The following CD163L1 variants were observed in gnomAD, a reference collection of about 807,000 sequenced individuals.
The protein encoded by CD163L1 is scavenger receptor cysteine-rich type 1 protein M160.
Under a neutral mutation model 165.4 loss-of-function variants are expected in CD163L1, and 124 were observed. That is an observed-to-expected ratio of 0.75 (90% CI 0.65 to 0.87). CD163L1 has a LOEUF of 0.87. Among genes scored for constraint, CD163L1 ranks in the 40% least tolerant of loss-of-function variants. The pLI, the probability that CD163L1 is intolerant of heterozygous loss-of-function variation, is 0.00. For synonymous variants in CD163L1, 585 were observed against 662.2 expected (o/e 0.88, Z 1.79); for missense variants, 1,525 against 1,799.9 (o/e 0.85, Z 2.76).
At chr12:7,415,831 G>A (rs1948227785) in intron 4 of CD163L1, among the ~76,000 whole-genome samples, 1 of 152,136 alleles carries the variant, frequency 6.6e-6, no homozygotes, top group South Asian at 2.1e-4. Flanking sequence ...ATCATTGATG[G>A]GCATTTAAGT....
At chr12:7,323,734 G>C in the CD163L1 span, among the ~76,000 whole-genome samples, 1 of 152,168 alleles carries the variant, frequency 6.6e-6, no homozygotes, top group Admixed American at 6.5e-5. Context: ...CCAAATGTAA[G>C]AAACCAGTTG....
chr12:7,421,758 TA>T lies in CD163L1; in HGVS notation c.766+10657del, dbSNP rs1374279726. 4.9e-3 allele frequency among the ~76,000 whole-genome samples: 655 copies of T among 132,326 alleles called. 5 individuals carry two copies. The highest frequency in any genetic ancestry group is 0.015 in the African/African-American group (461 of 31,114). The allele number at this position is 132,326 out of a possible 152,430, so 86.8% of individuals were successfully genotyped here. On this transcript the variant is annotated intron_variant, in intron 4 of 19. Transcript: ENST00000313599. ...ATATGTGTGTGTGTATATATATATA[TA>T]TATATATATATTTTTTCTTCTAAGT...
intron 7 of CD163L1, among the ~76,000 whole-genome samples, chr12:7,397,103 T>C (rs768148749): frequency 8.5e-5 from 13 of 152,334 alleles, no homozygotes; most frequent in African/African-American, 3.1e-4. Context: ...CATGGCATGA[T>C]GTGGCAATAG....
At chr12:7,422,540 TG>T (rs1413770913) in intron 4 of CD163L1, among the ~76,000 whole-genome samples, 4 of 151,302 alleles carry the variant, frequency 2.6e-5, no homozygotes, top group Non-Finnish European at 5.9e-5. Flanking sequence ...CTAAGAACCT[TG>T]AAAAAAGGTT....
chr12:7,344,240 T>A (rs955345840), downstream of CD163L1, among the ~76,000 whole-genome samples: 9 of 151,972 alleles, frequency 5.9e-5, no homozygotes, highest in Non-Finnish European at 1.2e-4. Flanking sequence ...GTCACCTCAC[T>A]TGGCTAATTT....
chr12:7,326,567 A>G, the CD163L1 span, among the ~76,000 whole-genome samples: 3 of 152,094 alleles, frequency 2.0e-5, no homozygotes, highest in Admixed American at 1.3e-4. Context: ...AGACCCTCCA[A>G]ACTGCTTTGA....
At chr12:7,340,080 G>C in the CD163L1 span, among the ~76,000 whole-genome samples, 8 of 152,106 alleles carry the variant, frequency 5.3e-5, no homozygotes, top group African/African-American at 1.7e-4. Context: ...TGTCTTTTTG[G>C]CTCCCTCATA....
In CD163L1 at chr12:7,375,789, C is replaced by T. The variant is rs1947256529; in HGVS notation, c.2597G>A (p.Gly866Glu). 1 of 1,614,234 alleles carries T rather than the reference C, an allele frequency of 6.2e-7. No individual in the cohort carries two copies. The highest frequency in any genetic ancestry group is 8.5e-7 in the Non-Finnish European group (1 of 1,180,040). ...LTWAEKFQCE[G>E]SETHLALCPI... Reference sequence around the variant, plus strand: ...GCATAATGCAAGGTGAGTTTCACTCCCTTCACACTGGAACTTTTCGGCCCA... The same window carrying T: ...GCATAATGCAAGGTGAGTTTCACTCTCTTCACACTGGAACTTTTCGGCCCA... Residue 866 changes from glycine (G) to glutamate (E), a missense_variant, in exon 10 of 20, where the codon GGG (glycine) becomes GAG (glutamate). By Grantham distance (98) the Gly-to-Glu change is moderately conservative. Transcript: ENST00000313599.
intron 4 of CD163L1, among the ~76,000 whole-genome samples, chr12:7,419,140 A>C (rs1222511277): frequency 6.6e-6 from 1 of 151,896 alleles, no homozygotes; most frequent in East Asian, 1.9e-4. Context: ...TGAATCCAAC[A>C]ACATTATCAG....
At chr12:7,360,467 C>T (rs1946868845) in intron 18 of CD163L1, among the ~76,000 whole-genome samples, 1 of 152,042 alleles carries the variant, frequency 6.6e-6, no homozygotes, top group Admixed American at 6.6e-5. Flanking sequence ...TTGATATATT[C>T]CCATGGATTC....
downstream of CD163L1, among the ~76,000 whole-genome samples, chr12:7,353,690 A>G (rs1946724957): frequency 6.6e-6 from 1 of 152,126 alleles, no homozygotes; most frequent in Non-Finnish European, 1.5e-5. Context: ...TGACAGAAAC[A>G]TTCCAAAATG....
chr12:7,412,822 C>T (rs1280924791), intron 4 of CD163L1, among the ~76,000 whole-genome samples: 22 of 151,954 alleles, frequency 1.4e-4, no homozygotes, highest in Admixed American at 2.6e-4. Context: ...CCTGGCCGGG[C>T]GCAGTGGCTC....
the CD163L1 span, chr12:7,324,155 CA>C: frequency 0.085 from 78,362 of 922,502 alleles, no homozygotes; most frequent in South Asian, 0.13. Context: ...GACTCTGTCT[CA>C]AAAAAAAAAA....
the CD163L1 span, among the ~76,000 whole-genome samples, chr12:7,324,992 A>C: frequency 1.3e-5 from 2 of 152,206 alleles, no homozygotes; most frequent in African/African-American, 4.8e-5. Context: ...CCTACTTGAT[A>C]GCAACCAACT....
At chr12:7,383,374 C>T (rs755540011) in intron 8 of CD163L1, among the ~76,000 whole-genome samples, 1 of 152,278 alleles carries the variant, frequency 6.6e-6, no homozygotes, top group African/African-American at 2.4e-5. Flanking sequence ...GGGAACCTGA[C>T]AGTTGGCCTG....
downstream of CD163L1, among the ~76,000 whole-genome samples, chr12:7,342,922 G>T (rs1321486129): frequency 6.6e-6 from 1 of 152,076 alleles, no homozygotes; most frequent in Non-Finnish European, 1.5e-5. Context: ...TTCTTTTCAC[G>T]TAAATCTCAT....
Position 7,432,282 on chromosome 12 carries a change from C to T in CD163L1, c.766+134G>A, listed in dbSNP as rs995747521. ...TGTTTAGGAAAACTCCAGAATGGAG[C>T]AATTTCAGGGTAACAAAAATGTGTT... On this transcript the variant is annotated intron_variant, in intron 4 of 19. Transcript: ENST00000313599. The surrounding 1 kb of genome is among the most constrained non-coding windows in gnomAD (Gnocchi z 4.2). 8 of 666,290 alleles carry T rather than the reference C, an allele frequency of 1.2e-5. No homozygotes were observed. In the Admixed American group the frequency reaches 1.2e-4, roughly 10 times the overall value. The allele number at this position is 666,290 out of a possible 1,614,324, so 41.3% of individuals were successfully genotyped here.
At chr12:7,373,778 C>T in intron 13 of CD163L1, 138 bp from the exon 14 acceptor site, 3 of 675,372 alleles carry the variant, frequency 4.4e-6, no homozygotes, top group Non-Finnish European at 7.0e-6. Flanking sequence ...AACATATTAA[C>T]AGCATAAATC....
chr12:7,407,265 C>G (rs970177198), intron 4 of CD163L1, among the ~76,000 whole-genome samples: 7 of 152,158 alleles, frequency 4.6e-5, no homozygotes, highest in African/African-American at 1.7e-4. Flanking sequence ...TCATTGTCAT[C>G]ACTGTGATCA....
Sources: gnomAD v4.1 joint callset for allele counts (sites outside exome capture counted in the v4.1 genomes callset) on GRCh38, gnomAD v4.1.1 for gene constraint, Gnocchi (gnomAD v3.1) non-coding constraint, MANE v1.5 for transcripts, NCBI Gene and HGNC (gene_info 2026-07-23, HGNC 2026-07-21) for gene names.